The following ADAMTS16 variants were observed in gnomAD, a reference collection of about 807,000 sequenced individuals.
ADAMTS16 encodes the protein A disintegrin and metalloproteinase with thrombospondin motifs 16.
In ADAMTS16, 94 loss-of-function variants were observed where a neutral mutation model predicts 145.8. The ratio of observed to expected loss-of-function variants is 0.64; its 90% CI spans 0.55 to 0.77. The LOEUF (loss-of-function observed/expected upper bound fraction) is 0.77, where lower values mean the gene tolerates loss of function less well. Among genes scored for constraint, ADAMTS16 ranks in the 30% least tolerant of loss-of-function variants. ADAMTS16 has a pLI of 0.00. For synonymous variants in ADAMTS16, 659 were observed against 604.3 expected, an observed-to-expected ratio of 1.09 and a Z score of -1.33; for missense variants, 1,585 against 1,591.5, an observed-to-expected ratio of 1.00 and a Z score of 0.07.
intron 3 of ADAMTS16, among the ~76,000 whole-genome samples, chr5:5,158,472 C>G (rs1041572873): frequency 2.7e-5 from 4 of 150,618 alleles, no homozygotes; most frequent in African/African-American, 9.7e-5. Context: ...AAAACTGGAC[C>G]TAAGTTGCAT....
At chr5:5,222,958 G>A in intron 11 of ADAMTS16, 74 bp downstream of exon 11, 1 of 1,382,072 alleles carries the variant, frequency 7.2e-7, no homozygotes, top group Non-Finnish European at 1.0e-6. Flanking sequence ...TGCTCCTCTT[G>A]CATAGGTATT....
intron 18 of ADAMTS16, among the ~76,000 whole-genome samples, chr5:5,292,916 G>T (rs1428954231): frequency 6.6e-6 from 1 of 152,198 alleles, no homozygotes; most frequent in African/African-American, 2.4e-5. Context: ...CTGGCCCATG[G>T]GCCCCACGTG....
At chr5:5,161,130 C>T (rs917705499) in intron 3 of ADAMTS16, among the ~76,000 whole-genome samples, 4 of 152,180 alleles carry the variant, frequency 2.6e-5, no homozygotes, top group Non-Finnish European at 5.9e-5. Flanking sequence ...CAAGAGTTAT[C>T]TGTTCTATCC....
intron 3 of ADAMTS16, among the ~76,000 whole-genome samples, chr5:5,159,110 G>A (rs1392401021): frequency 6.6e-6 from 1 of 152,238 alleles, no homozygotes; most frequent in Non-Finnish European, 1.5e-5. Context: ...CCAGAACCAA[G>A]TGAGTCAACA....
chr5:5,276,549 A>G (rs910425987), intron 18 of ADAMTS16, among the ~76,000 whole-genome samples: 3 of 152,226 alleles, frequency 2.0e-5, no homozygotes, highest in African/African-American at 4.8e-5. Context: ...TTGCAGACCT[A>G]TGATGCAGAG....
chr5:5,222,981 A>C, intron 11 of ADAMTS16, 97 bp downstream of exon 11: 1 of 1,035,976 alleles, frequency 9.7e-7, no homozygotes, highest in South Asian at 1.3e-5. Flanking sequence ...TAAAACATGT[A>C]TTTCTCATAT....
At chr5:5,187,208 G>T (rs980064014) in intron 5 of ADAMTS16, among the ~76,000 whole-genome samples, 1 of 152,206 alleles carries the variant, frequency 6.6e-6, no homozygotes, top group African/African-American at 2.4e-5. Context: ...CATGGTGGAC[G>T]TGCTGTTCCT....
At chr5:5,178,674 G>A (rs1735258820) in intron 3 of ADAMTS16, among the ~76,000 whole-genome samples, 1 of 152,158 alleles carries the variant, frequency 6.6e-6, no homozygotes, top group Admixed American at 6.5e-5. Flanking sequence ...AATGCTTGAT[G>A]ACTTGGTTAA....
intron 2 of ADAMTS16, among the ~76,000 whole-genome samples, 188 bp from the exon 3 acceptor site, chr5:5,145,942 T>C (rs908476477): frequency 1.3e-5 from 2 of 152,232 alleles, no homozygotes; most frequent in African/African-American, 4.8e-5. Context: ...TGTTACAATT[T>C]TTTTCTTTAA....
intron 3 of ADAMTS16, among the ~76,000 whole-genome samples, chr5:5,158,626 G>A (rs1336606644): frequency 6.6e-6 from 1 of 152,156 alleles, no homozygotes; most frequent in Non-Finnish European, 1.5e-5. Context: ...CCAATTGGAG[G>A]TGAGCACTTT....
At chr5:5,199,410 G>T (rs1579305267) in intron 8 of ADAMTS16, among the ~76,000 whole-genome samples, 2 of 152,166 alleles carry the variant, frequency 1.3e-5, no homozygotes, top group East Asian at 3.9e-4. Flanking sequence ...TCACATGAAG[G>T]TAACCTGTGC....
intron 18 of ADAMTS16, among the ~76,000 whole-genome samples, chr5:5,283,073 C>G (rs1738981014): frequency 1.3e-5 from 2 of 151,864 alleles, no homozygotes; most frequent in African/African-American, 4.8e-5. Context: ...TATCATAAGT[C>G]AATACTGATA....
At chr5:5,158,813 G>A (rs540910544) in intron 3 of ADAMTS16, among the ~76,000 whole-genome samples, 2 of 152,312 alleles carry the variant, frequency 1.3e-5, no homozygotes, top group Admixed American at 6.5e-5. Context: ...TGTATCTACC[G>A]CTTAAGCATA....
Position 5,183,956 on chromosome 5 carries a change from C to G in ADAMTS16, c.763+1651C>G, listed in dbSNP as rs145815074. Among the ~76,000 whole-genome samples the G allele has an allele frequency of 3.3e-3, 510 of 152,364 alleles. 2 individuals are homozygous for G. The highest frequency in any genetic ancestry group is 0.014 in the Middle Eastern group (4 of 294). On this transcript the variant is annotated intron_variant, in intron 4 of 22. Coordinates refer to ENST00000274181, the MANE Select transcript of ADAMTS16 (RefSeq NM_139056.4). ...AACTAGCGAAAGAAAGCTCAACAAACTGCCTCTTGTAGGTGGAGGATATTG... is the reference window on the plus strand; with the variant it reads ...AACTAGCGAAAGAAAGCTCAACAAAGTGCCTCTTGTAGGTGGAGGATATTG...
chr5:5,190,166 G>A (rs371078691), intron 7 of ADAMTS16, 36 bp downstream of exon 7: 26 of 1,533,518 alleles, frequency 1.7e-5, no homozygotes, highest in South Asian at 6.6e-5. Flanking sequence ...GACCGTGTGT[G>A]GAATGTGCAC....
intron 5 of ADAMTS16, 31 bp from the exon 6 acceptor site, chr5:5,187,694 G>A (rs1735545081): frequency 2.0e-6 from 3 of 1,507,270 alleles, no homozygotes; most frequent in African/African-American, 1.4e-5. Context: ...TGCCATTTAT[G>A]GGGCTGACAT....
chr5:5,201,431 A>G (rs140197357), intron 9 of ADAMTS16, among the ~76,000 whole-genome samples: 25 of 152,220 alleles, frequency 1.6e-4, no homozygotes, highest in Non-Finnish European at 2.9e-4. Context: ...TATAGATTCT[A>G]AGGAACTAGC....
intron 8 of ADAMTS16, among the ~76,000 whole-genome samples, chr5:5,195,424 G>T (rs575259172): frequency 6.6e-6 from 1 of 152,272 alleles, no homozygotes; most frequent in Admixed American, 6.5e-5. Context: ...GATGGGTAGG[G>T]CTCTGGGACT....
chr5:5,174,947 C>T (rs1735147517), intron 3 of ADAMTS16, among the ~76,000 whole-genome samples: 1 of 152,174 alleles, frequency 6.6e-6, no homozygotes. Context: ...TCCTCTCTGA[C>T]CCAGGGCTGA....
Sources: allele counts gnomAD v4.1 joint callset (sites outside exome capture counted in the v4.1 genomes callset), GRCh38; gene constraint gnomAD v4.1.1; transcripts MANE v1.5; gene names NCBI Gene and HGNC (gene_info 2026-07-23, HGNC 2026-07-21).